MAP3K5: variants seen among roughly 807,000 people sequenced by gnomAD.
The protein encoded by MAP3K5 is mitogen-activated protein kinase kinase kinase 5, also known as ASK-1.
In MAP3K5, 56 loss-of-function variants were observed where a neutral mutation model predicts 158.7. The ratio of observed to expected loss-of-function variants is 0.35; its 90% CI spans 0.28 to 0.44. The LOEUF (loss-of-function observed/expected upper bound fraction) is 0.44. Ranked by LOEUF, MAP3K5 falls within the 20% of genes least tolerant of loss-of-function variation. The probability of loss-of-function intolerance (pLI) is 1.00; values close to 1 mark genes in which losing one functional copy is unlikely to be tolerated. For missense variants in MAP3K5, 1,294 were observed against 1,674.8 expected (o/e 0.77, Z 3.97); for synonymous variants, 579 against 601.7 (o/e 0.96, Z 0.55).
chr6:136,565,624 C>T (rs538153120), intron 26 of MAP3K5, among the ~76,000 whole-genome samples: 24 of 152,294 alleles, frequency 1.6e-4, no homozygotes, highest in Non-Finnish European at 2.4e-4. Context: ...AGAGCTACAA[C>T]CTTTCCTGAA....
chr6:136,679,896 G>A (rs542837634), intron 7 of MAP3K5, among the ~76,000 whole-genome samples: 1 of 152,070 alleles, frequency 6.6e-6, no homozygotes, highest in Non-Finnish European at 1.5e-5. Context: ...AGTTGGAAAC[G>A]ATTTAAATGT....
At chr6:136,629,658 G>A (rs1292901738) in intron 14 of MAP3K5, among the ~76,000 whole-genome samples, 1 of 151,966 alleles carries the variant, frequency 6.6e-6, no homozygotes, top group African/African-American at 2.4e-5. Context: ...CTTTCACCTT[G>A]TTAGCCAGGA....
chr6:136,605,087 A>G, intron 19 of MAP3K5, 122 bp downstream of exon 19: 1 of 912,628 alleles, frequency 1.1e-6, no homozygotes, highest in Non-Finnish European at 1.7e-6. Context: ...TTGACCTTTA[A>G]TGTGTTCTAA....
At chr6:136,748,850 C>A (rs930602590) in intron 1 of MAP3K5, among the ~76,000 whole-genome samples, 2 of 152,196 alleles carry the variant, frequency 1.3e-5, no homozygotes, top group African/African-American at 4.8e-5. Context: ...TTAACACTGA[C>A]TAAGGCTCTT....
chr6:136,730,469 C>A (rs982024988), intron 1 of MAP3K5, among the ~76,000 whole-genome samples: 1 of 151,922 alleles, frequency 6.6e-6, no homozygotes, highest in African/African-American at 2.4e-5. Flanking sequence ...CGCCTGTAAT[C>A]CCAGCACTCT....
chr6:136,779,930 C>T (rs182111780), intron 1 of MAP3K5, among the ~76,000 whole-genome samples: 79 of 152,342 alleles, frequency 5.2e-4, no homozygotes, highest in African/African-American at 1.9e-3. Context: ...TCAGGGCAAA[C>T]GGCTTCAGAT....
chr6:136,571,546 CT>C (rs1319208953), intron 25 of MAP3K5, among the ~76,000 whole-genome samples: 1 of 152,174 alleles, frequency 6.6e-6, no homozygotes, highest in Non-Finnish European at 1.5e-5. Flanking sequence ...GCATAATGCC[CT>C]CAAAGTTCAT....
intron 1 of MAP3K5, among the ~76,000 whole-genome samples, chr6:136,723,494 T>A (rs989808127): frequency 6.6e-6 from 1 of 152,216 alleles, no homozygotes; most frequent in Admixed American, 6.5e-5. Flanking sequence ...AGCTGTGTTA[T>A]AGGGATTATG....
At chr6:136,595,261 G>T (rs1234796058) in intron 21 of MAP3K5, among the ~76,000 whole-genome samples, 1 of 152,180 alleles carries the variant, frequency 6.6e-6, no homozygotes, top group Non-Finnish European at 1.5e-5. Flanking sequence ...GGGATTACAG[G>T]CATGTGCCAC....
intron 7 of MAP3K5, among the ~76,000 whole-genome samples, chr6:136,680,800 C>T (rs1034078778): frequency 6.6e-6 from 1 of 152,112 alleles, no homozygotes; most frequent in Non-Finnish European, 1.5e-5. Context: ...CAATAACTGC[C>T]CCAATTCTTT....
At chr6:136,786,379 C>CAAAA (rs11398691) in intron 1 of MAP3K5, among the ~76,000 whole-genome samples, 2 of 80,980 alleles carry the variant, frequency 2.5e-5, no homozygotes, top group Non-Finnish European at 2.5e-5. Context: ...AACTCCATCT[C>CAAAA]AAAAAAAAAA....
At chr6:136,558,907 T>C in intron 28 of MAP3K5, 31 bp from the exon 29 acceptor site, 1 of 1,101,398 alleles carries the variant, frequency 9.1e-7, no homozygotes. Flanking sequence ...GCACAAAAGA[T>C]GTTTTATATA....
rs139221897 is a variant in MAP3K5, at chr6:136,593,028, A to G, written c.2879-414T>C. 3.9e-5 allele frequency among the ~76,000 whole-genome samples: 6 copies of G among 152,264 alleles called. No individual in the cohort carries two copies. The East Asian group carries it at 1.2e-3, about 29-fold the overall frequency. Reference sequence around the variant, plus strand: ...CAGGGGCTTAAGTGTCTCCATTAGCATCTTGGGGCTGCCTTGGTTGGGATG... The same window carrying G: ...CAGGGGCTTAAGTGTCTCCATTAGCGTCTTGGGGCTGCCTTGGTTGGGATG... On this transcript the variant is annotated intron_variant, in intron 21 of 29. Transcript: ENST00000359015.
At chr6:136,633,099 A>G (rs532514864) in intron 14 of MAP3K5, among the ~76,000 whole-genome samples, 105 of 152,242 alleles carry the variant, frequency 6.9e-4, no homozygotes, top group African/African-American at 2.4e-3. Context: ...AAAAGACATT[A>G]AAGATCCTCT....
At position 136,792,101 on chromosome 6, in the gene MAP3K5, C is replaced by A; in HGVS notation, c.57G>T (p.Ser19=). The part of the protein sequence containing the change: ...ITFSVPPFAP[S]GFCTIPEGGI... The stretch of plus-strand genomic sequence containing the variant: ...CGCCCTCGGGGATGGTGCAGAAGCC[C>A]GAGGGGGCGAAGGGTGGCACAGAGA... The change falls in exon 1 of 30, where the codon TCG becomes TCT. Residue 19 remains serine, a synonymous_variant. Transcript: ENST00000359015. The surrounding 1 kb of genome is among the most constrained non-coding windows in gnomAD (Gnocchi z 5.7). 2 of 1,585,516 alleles carry A rather than the reference C, an allele frequency of 1.3e-6. No homozygotes were observed. Among genetic ancestry groups the A allele is most frequent in the Non-Finnish European group, 1.7e-6 (2 of 1,169,092 alleles).
chr6:136,587,272 C>A (rs1370364367), intron 23 of MAP3K5, among the ~76,000 whole-genome samples: 1 of 152,042 alleles, frequency 6.6e-6, no homozygotes, highest in African/African-American at 2.4e-5. Context: ...AGAAACAATA[C>A]AATGGCAATA....
intron 1 of MAP3K5, among the ~76,000 whole-genome samples, chr6:136,785,884 G>T (rs1159672316): frequency 1.3e-5 from 2 of 152,150 alleles, no homozygotes; most frequent in African/African-American, 4.8e-5. Flanking sequence ...ATGGTGAATG[G>T]TTCCATAAAC....
At chr6:136,791,434 G>A (rs12207008) in intron 1 of MAP3K5, among the ~76,000 whole-genome samples, 1 of 152,106 alleles carries the variant, frequency 6.6e-6, no homozygotes, top group South Asian at 2.1e-4. Context: ...CACTGCTGGA[G>A]AACAGTTCAA....
chr6:136,606,412 A>G (rs959148721), intron 18 of MAP3K5, among the ~76,000 whole-genome samples: 18 of 152,278 alleles, frequency 1.2e-4, no homozygotes, highest in African/African-American at 3.8e-4. Flanking sequence ...CCTGCATGGA[A>G]TCAGAGAGGT....
Sources: gnomAD v4.1 joint callset for allele counts (sites outside exome capture counted in the v4.1 genomes callset) on GRCh38, gnomAD v4.1.1 for gene constraint, Gnocchi (gnomAD v3.1) non-coding constraint, MANE v1.5 for transcripts, NCBI Gene and HGNC (gene_info 2026-07-23, HGNC 2026-07-21) for gene names.